The following DNAH5 variants were observed in gnomAD, a reference collection of about 807,000 sequenced individuals.
DNAH5 encodes axonemal beta dynein heavy chain 5.
DNAH5 carries 372 observed loss-of-function variants against 518.2 expected under a neutral mutation model. That is an observed-to-expected ratio of 0.72 (90% CI 0.66 to 0.78). DNAH5 has a LOEUF of 0.78. DNAH5 is among the 30% of genes least tolerant of loss of function. The pLI is 0.00. For synonymous variants in DNAH5, 2,039 were observed against 2,025.9 expected (o/e 1.01, Z -0.17); for missense variants, 5,523 against 5,687.0 (o/e 0.97, Z 0.93).
At chr5:13,712,051 G>T (rs897870082) in intron 75 of DNAH5, among the ~76,000 whole-genome samples, 2 of 152,102 alleles carry the variant, frequency 1.3e-5, no homozygotes, top group African/African-American at 4.8e-5. Flanking sequence ...AGCCTGCCTA[G>T]CCAAAGCAAG....
At chr5:13,860,377 T>C (rs1027809038) in intron 29 of DNAH5, 2 of 152,308 alleles carry the variant, frequency 1.3e-5, no homozygotes, top group African/African-American at 4.8e-5. Context: ...AATGATCTCA[T>C]AGCTGAACAC....
intron 24 of DNAH5, among the ~76,000 whole-genome samples, chr5:13,868,310 A>T (rs1284868927): frequency 6.6e-6 from 1 of 152,208 alleles, no homozygotes; most frequent in Admixed American, 6.5e-5. Flanking sequence ...TAGGCCCCCA[A>T]ATTGTATTTG....
At chr5:13,864,775 T>C in intron 27 of DNAH5, 138 bp from the exon 28 acceptor site, 2 of 959,094 alleles carry the variant, frequency 2.1e-6, no homozygotes, top group Non-Finnish European at 3.3e-6. Context: ...ACTTGCAGGC[T>C]GTCTGTTCAT....
At chr5:13,814,576 A>G (rs1218568559) in intron 43 of DNAH5, 29 bp downstream of exon 43, 1 of 1,609,310 alleles carries the variant, frequency 6.2e-7, no homozygotes. Flanking sequence ...TTTCCTTTTT[A>G]ATTATACAAA....
At chr5:13,914,690 A>G (rs1561562186) in intron 9 of DNAH5, 48 bp from the exon 10 acceptor site, 2 of 1,588,248 alleles carry the variant, frequency 1.3e-6, no homozygotes, top group East Asian at 2.3e-5. Flanking sequence ...ACAGCCATGG[A>G]TTGTAAACTG....
At chr5:13,745,021 A>G (rs1749140002) in intron 65 of DNAH5, among the ~76,000 whole-genome samples, 1 of 152,086 alleles carries the variant, frequency 6.6e-6, no homozygotes, top group African/African-American at 2.4e-5. Context: ...CACCAAGTTC[A>G]GGTACTTGCA....
intron 50 of DNAH5, among the ~76,000 whole-genome samples, chr5:13,789,942 T>A (rs117864742): frequency 6.6e-6 from 1 of 152,094 alleles, no homozygotes; most frequent in Non-Finnish European, 1.5e-5. Context: ...AAGAAACATA[T>A]GAAAAGAAGC....
chr5:13,804,100 T>A (rs573936367), intron 47 of DNAH5, among the ~76,000 whole-genome samples: 5 of 152,254 alleles, frequency 3.3e-5, no homozygotes, highest in African/African-American at 1.2e-4. Flanking sequence ...AATAAAAAAA[T>A]TAATATTAGT....
Position 13,721,070 on chromosome 5 carries a change from G to A in DNAH5, c.12209C>T (p.Thr4070Ile), listed in dbSNP as rs746662023. The change falls in exon 71 of 79, where the codon ACC becomes ATC. Residue 4070 changes from threonine to isoleucine, a missense_variant. Thr to Ile is a moderately conservative substitution (Grantham distance 89). This residue lies in a region of DNAH5 where 5,121 missense variants were observed against 5,223.3 expected (regional missense o/e 0.98). Transcript: ENST00000265104. ...GCCCTGGCCCATGGACACATAACGG[G>A]TTTCTATTTTTAATCTCTTCCCCAA... ...IALGKRLKIE[T>I]RYVSMGQGQE... is the part of the protein sequence containing the mutation. The A allele has an allele frequency of 4.3e-5, 69 of 1,614,002 alleles. No homozygotes were observed. In the Admixed American group the frequency reaches 1.1e-3, roughly 26 times the overall value.
At chr5:13,713,972 A>C (rs1333296501) in intron 75 of DNAH5, among the ~76,000 whole-genome samples, 1 of 152,258 alleles carries the variant, frequency 6.6e-6, no homozygotes, top group Non-Finnish European at 1.5e-5. Context: ...GAAGCTGCAG[A>C]GGTAATGATA....
rs1750562118 is a variant in DNAH5, at chr5:13,753,558, G to T, written c.10556-9C>A. ...AGCCAACAGTACATCCCCTAAAATA[G>T]AAAACAAACACCATTGAAATACTTT... On this transcript the variant is annotated splice_polypyrimidine_tract_variant and intron_variant, in intron 62 of 78. Transcript: ENST00000265104. 2 of 1,607,898 alleles carry T rather than the reference G, an allele frequency of 1.2e-6. No individual in the cohort carries two copies. The highest frequency in any genetic ancestry group is 1.7e-6 in the Non-Finnish European group (2 of 1,175,538).
chr5:13,774,364 A>G (rs952324050), intron 55 of DNAH5, among the ~76,000 whole-genome samples: 8 of 152,116 alleles, frequency 5.3e-5, no homozygotes, highest in African/African-American at 1.9e-4. Context: ...AGGGGGAGAC[A>G]ATTTGAGTTT....
chr5:13,769,821 CA>C (rs1282137159), intron 56 of DNAH5, among the ~76,000 whole-genome samples: 2 of 152,172 alleles, frequency 1.3e-5, no homozygotes, highest in African/African-American at 2.4e-5. Context: ...AGACCACGTG[CA>C]AGAACAGCGA....
In DNAH5 at chr5:13,877,035, C is replaced by T. The variant is rs544572187; in HGVS notation, c.3263-218G>A. 5.3e-5 allele frequency among the ~76,000 whole-genome samples: 8 copies of T among 152,302 alleles called. No individual in the cohort carries two copies. The East Asian group carries it at 1.5e-3, about 29-fold the overall frequency. ...AATCCAAAAAGTGTTTATTCAAGAA[C>T]AATGCTAAATCTTGGTAACAACAGC... On this transcript the variant is annotated intron_variant, in intron 21 of 78. Coordinates refer to ENST00000265104, the MANE Select transcript of DNAH5 (RefSeq NM_001369.3).
rs769218397 is a variant in DNAH5, at chr5:13,786,239, G to A, written c.8760C>T (p.Ser2920=). The change falls in exon 52 of 79, where the codon AGC becomes AGT. Residue 2920 remains serine (S), a synonymous_variant. Transcript: ENST00000265104. ...LNMFLQLYNE[S]IRGAGMDMVF... ...CCATGTCCATGCCGGCGCCACGGAT[G>A]CTCTCATTATAGAGCTGCAGGAACA... 1 of 1,614,016 alleles carries A rather than the reference G, an allele frequency of 6.2e-7. No homozygotes were observed. Among genetic ancestry groups the A allele is most frequent in the South Asian group, 1.1e-5 (1 of 91,074 alleles).
At position 13,786,335 on chromosome 5, in the gene DNAH5, C is replaced by T. The variant is rs762931958; in HGVS notation, c.8664G>A (p.Glu2888=). Residue 2888 remains glutamate, a synonymous_variant, in exon 52 of 79, where the codon GAG becomes GAA. Transcript: ENST00000265104. The part of the protein sequence containing the change: ...APEAAGETSE[E]ADAETPKIYE... The stretch of plus-strand genomic sequence containing the variant: ...AAATTTTAGGTGTTTCAGCATCAGC[C>T]TCTTCAGATGTTTCACCTTTGGTGG... 3 of 1,614,050 alleles carry T rather than the reference C, an allele frequency of 1.9e-6. No homozygotes were observed. The highest frequency in any genetic ancestry group is 2.5e-6 in the Non-Finnish European group (3 of 1,180,006).
chr5:13,894,529 G>C (rs1214523715), intron 16 of DNAH5, 121 bp downstream of exon 16: 5 of 1,088,228 alleles, frequency 4.6e-6, no homozygotes, highest in East Asian at 2.6e-5. Context: ...TTATGAAACA[G>C]CTTAAGAATA....
Position 13,864,692 on chromosome 5 carries a change from G to C in DNAH5, c.4356-55C>G, listed in dbSNP as rs541364156. On this transcript the variant is annotated intron_variant, in intron 27 of 78. Coordinates refer to ENST00000265104, the MANE Select transcript of DNAH5 (RefSeq NM_001369.3). ...TTGAAATATGATGGTAGACATCACT[G>C]GACCAAGACGGTCTGCTAGTATTTC... 9.7e-5 allele frequency: 154 copies of C among 1,587,264 alleles called. 3 individuals are homozygous for C. The South Asian group carries it at 1.5e-3, about 15-fold the overall frequency.
Position 13,810,543 on chromosome 5 carries a change from A to T in DNAH5, c.7408-283T>A, listed in dbSNP as rs898182856. The T allele has an allele frequency of 6.0e-4, 191 of 318,544 alleles. 1 individual carries two copies. The highest frequency in any genetic ancestry group is 9.0e-4 in the Middle Eastern group (1 of 1,110). The allele number at this position is 318,544 out of a possible 1,614,324, so 19.7% of individuals were successfully genotyped here. On this transcript the variant is annotated intron_variant, in intron 44 of 78. Transcript: ENST00000265104. ...ATCATGAGGTCAGGAGCTCGAGACC[A>T]TCCTGGCTAACATGGTGAAACCCCG...
Sources: gnomAD v4.1 joint callset for allele counts (sites outside exome capture counted in the v4.1 genomes callset) on GRCh38, gnomAD v4.1.1 for gene constraint, gnomAD v4.1.1 regional missense constraint, MANE v1.5 for transcripts, NCBI Gene and HGNC (gene_info 2026-07-23, HGNC 2026-07-21) for gene names.